Variants in MGAT4C observed in about 807,000 individuals in gnomAD.
MGAT4C encodes alpha-1,3-mannosyl-glycoprotein 4-beta-N-acetylglucosaminyltransferase C.
A neutral mutation model predicts 40.1 loss-of-function variants in MGAT4C; 19 were observed. The ratio of observed to expected loss-of-function variants is 0.47; its 90% CI spans 0.33 to 0.70. The LOEUF is 0.70. MGAT4C is among the 30% of genes least tolerant of loss of function. The pLI is 0.02. For missense variants in MGAT4C, 491 were observed against 563.2 expected, an observed-to-expected ratio of 0.87 and a Z score of 1.30; for synonymous variants, 181 against 187.1, an observed-to-expected ratio of 0.97 and a Z score of 0.27.
chr12:86,309,363 G>A (rs1222129637), intron 4 of MGAT4C, among the ~76,000 whole-genome samples: 1 of 152,162 alleles, frequency 6.6e-6, no homozygotes, highest in Non-Finnish European at 1.5e-5. Flanking sequence ...GTAATGTACT[G>A]TAAAGAAAAT....
intron 1 of MGAT4C, chr12:86,745,135 A>C (rs1951133276): frequency 6.6e-6 from 1 of 151,536 alleles, no homozygotes; most frequent in African/African-American, 2.4e-5. Flanking sequence ...GCAGAGAGGA[A>C]AGGGTGTACC....
intron 2 of MGAT4C, among the ~76,000 whole-genome samples, chr12:85,998,995 A>G: frequency 6.6e-6 from 1 of 152,202 alleles, no homozygotes; most frequent in East Asian, 1.9e-4. Context: ...TACAAAAGAA[A>G]GAGGTTTAAT....
intron 3 of MGAT4C, among the ~76,000 whole-genome samples, chr12:86,356,899 G>C (rs929954752): frequency 1.3e-5 from 2 of 152,152 alleles, no homozygotes; most frequent in Non-Finnish European, 1.5e-5. Context: ...CTGGGGGCAG[G>C]GCATGGCTGA....
intron 3 of MGAT4C, among the ~76,000 whole-genome samples, chr12:86,391,738 T>C (rs1055718956): frequency 2.0e-5 from 3 of 152,190 alleles, no homozygotes; most frequent in Non-Finnish European, 4.4e-5. Context: ...CGGGTGCCTG[T>C]AGTCCCAGCT....
intron 2 of MGAT4C, among the ~76,000 whole-genome samples, chr12:86,468,399 A>G (rs2136301533): frequency 6.6e-6 from 1 of 152,152 alleles, no homozygotes; most frequent in African/African-American, 2.4e-5. Context: ...CTTCATTGCT[A>G]GCACAGTGCC....
chr12:86,689,039 C>T (rs987789340), intron 2 of MGAT4C, among the ~76,000 whole-genome samples: 6 of 152,048 alleles, frequency 3.9e-5, no homozygotes, highest in Non-Finnish European at 7.4e-5. Context: ...AGGCTTTGGT[C>T]ATTCTTTTTC....
chr12:86,139,324 C>T (rs1200690939), intron 1 of MGAT4C, among the ~76,000 whole-genome samples: 2 of 152,050 alleles, frequency 1.3e-5, no homozygotes, highest in Admixed American at 6.6e-5. Context: ...TTTCATCAGT[C>T]ATTCCCTTGA....
chr12:86,581,660 T>A (rs1960783240), intron 2 of MGAT4C, among the ~76,000 whole-genome samples: 1 of 151,450 alleles, frequency 6.6e-6, no homozygotes, highest in Non-Finnish European at 1.5e-5. Flanking sequence ...ACTATCACTC[T>A]TTCTAATTGG....
intron 1 of MGAT4C, among the ~76,000 whole-genome samples, chr12:86,191,664 CACACACACA>C (rs1889485643): frequency 5.1e-5 from 7 of 136,362 alleles, no homozygotes; most frequent in Non-Finnish European, 7.7e-5. Flanking sequence ...CACACACACA[CACACACACA>C]CCCTTATCTC....
intron 1 of MGAT4C, among the ~76,000 whole-genome samples, chr12:86,205,736 A>C (rs1950224680): frequency 6.6e-6 from 1 of 152,020 alleles, no homozygotes. Context: ...TATTAAGTAC[A>C]TTTTCTTTCT....
chr12:86,626,535 G>C (rs886354632), intron 2 of MGAT4C, among the ~76,000 whole-genome samples: 1 of 152,136 alleles, frequency 6.6e-6, no homozygotes, highest in Admixed American at 6.6e-5. Context: ...AGGCAGTACA[G>C]ATTAAGATAA....
intron 1 of MGAT4C, among the ~76,000 whole-genome samples, chr12:86,193,691 T>G (rs954093560): frequency 6.6e-6 from 1 of 152,178 alleles, no homozygotes; most frequent in Non-Finnish European, 1.5e-5. Flanking sequence ...TCATATTATC[T>G]TCTAGTTTCC....
In MGAT4C at chr12:85,965,119, ATTTG is replaced by A. The variant is rs1317646541; in HGVS notation, c.*14166_*14169del. ...AGAGTGAGGTGTTGAATATTTATTT[ATTTG>A]TTTATTTTTATTATACTTTAAGTTT... On this transcript the variant is annotated 3_prime_UTR_variant, in exon 5 of 5. Coordinates refer to ENST00000611864, the MANE Select transcript of MGAT4C (RefSeq NM_001351288.2). The A allele has an allele frequency of 4.6e-5, 7 of 152,178 alleles. No homozygotes were observed. Among genetic ancestry groups the A allele is most frequent in the Non-Finnish European group, 7.4e-5 (5 of 67,980 alleles). 9.4% of individuals were successfully genotyped at this position (152,178 alleles called of 1,614,324 possible).
intron 1 of MGAT4C, among the ~76,000 whole-genome samples, chr12:86,127,372 C>T (rs1402038121): frequency 6.6e-6 from 1 of 152,124 alleles, no homozygotes; most frequent in East Asian, 1.9e-4. Flanking sequence ...TGTTTGGGCA[C>T]TTATCATAAA....
At chr12:86,110,297 T>TATATATATAGA (rs1355215806) in intron 1 of MGAT4C, among the ~76,000 whole-genome samples, 679 of 14,038 alleles carry the variant, frequency 0.048, 85 homozygotes, top group East Asian at 0.12. Flanking sequence ...ATATATAGTC[T>TATATATATAGA]CTCTATATAT....
At chr12:86,117,753 A>G (rs1187934964) in intron 1 of MGAT4C, among the ~76,000 whole-genome samples, 2 of 152,192 alleles carry the variant, frequency 1.3e-5, no homozygotes, top group Non-Finnish European at 2.9e-5. Flanking sequence ...TCTTACTATC[A>G]TTAGGGCCAG....
intron 2 of MGAT4C, among the ~76,000 whole-genome samples, chr12:86,698,513 G>A (rs1950300180): frequency 6.6e-6 from 1 of 151,980 alleles, no homozygotes; most frequent in Non-Finnish European, 1.5e-5. Flanking sequence ...GCAATGTAAT[G>A]CAATCTCTTT....
At chr12:86,095,369 T>G (rs1301200301) in intron 1 of MGAT4C, among the ~76,000 whole-genome samples, 1 of 152,078 alleles carries the variant, frequency 6.6e-6, no homozygotes, top group Non-Finnish European at 1.5e-5. Flanking sequence ...TCTGAATGCA[T>G]ATTTAAGTAC....
At position 85,979,946 on chromosome 12, in the gene MGAT4C, A is replaced by T. The variant is rs766900187; in HGVS notation, c.780T>A (p.Ile260=). The stretch of plus-strand genomic sequence containing the variant: ...GATCATGAGAATGATAGAGTTTACC[A>T]ATGTAGCCAAGCTTAGAGAATTCAA... ...VTLEFSKLGY[I]GKLYHSHDLP... is the part of the protein sequence containing the mutation. The change falls in exon 5 of 5, where the codon ATT becomes ATA. Residue 260 remains isoleucine (I), a synonymous_variant. Coordinates refer to ENST00000611864, the MANE Select transcript of MGAT4C (RefSeq NM_001351288.2). The T allele has an allele frequency of 6.2e-7, 1 of 1,613,906 alleles. No homozygotes were observed. The highest frequency in any genetic ancestry group is 8.5e-7 in the Non-Finnish European group (1 of 1,179,880).
Sources: allele counts gnomAD v4.1 joint callset (sites outside exome capture counted in the v4.1 genomes callset), GRCh38; gene constraint gnomAD v4.1.1; transcripts MANE v1.5; gene names NCBI Gene and HGNC (gene_info 2026-07-23, HGNC 2026-07-21).